PCLO: variants seen among roughly 807,000 people sequenced by gnomAD.
PCLO encodes the protein protein piccolo.
In PCLO, 82 loss-of-function variants were observed where a neutral mutation model predicts 427.5. The observed-to-expected ratio is 0.19, with a 90% CI of 0.16 to 0.23. The LOEUF is 0.23. Among genes scored for constraint, PCLO ranks in the 10% least tolerant of loss-of-function variants. The pLI is 1.00. For missense variants in PCLO, 6,239 were observed against 6,115.9 expected (o/e 1.02, Z -0.67); for synonymous variants, 2,357 against 2,155.4 (o/e 1.09, Z -2.59).
chr7:83,134,218 A>AATATATATATATATATATATATAT (rs61658777), intron 3 of PCLO, 32 bp downstream of exon 3: 43 of 430,182 alleles, frequency 1.0e-4, no homozygotes, highest in Admixed American at 6.4e-4. Context: ...CTCCATATGT[A>AATATATATATATATATATATATAT]ATATATATAT....
chr7:82,911,271 G>T (rs926492954), intron 7 of PCLO, among the ~76,000 whole-genome samples: 3 of 152,026 alleles, frequency 2.0e-5, no homozygotes, highest in African/African-American at 7.2e-5. Flanking sequence ...CAGATTAAAT[G>T]AATCTGCTTT....
At chr7:83,048,829 T>C (rs1204318856) in intron 3 of PCLO, among the ~76,000 whole-genome samples, 3 of 152,128 alleles carry the variant, frequency 2.0e-5, no homozygotes, top group African/African-American at 7.2e-5. Flanking sequence ...TTATGTTTTT[T>C]CAAATTTCAG....
At chr7:82,803,324 C>T (rs530855664) in intron 21 of PCLO, among the ~76,000 whole-genome samples, 52 of 151,914 alleles carry the variant, frequency 3.4e-4, no homozygotes, top group Non-Finnish European at 6.9e-4. Flanking sequence ...GATCAGAATA[C>T]TAAAAAATAA....
intron 3 of PCLO, among the ~76,000 whole-genome samples, chr7:83,076,290 G>A (rs1429320871): frequency 1.3e-5 from 2 of 149,922 alleles, no homozygotes; most frequent in African/African-American, 4.9e-5. Context: ...TTTTTTTTGA[G>A]ATGGACTTTT....
chr7:82,997,784 T>C lies in PCLO; in HGVS notation c.3301-31297A>G, dbSNP rs548156619. On this transcript the variant is annotated intron_variant, in intron 3 of 24. Coordinates refer to ENST00000333891, the MANE Select transcript of PCLO (RefSeq NM_033026.6). ...AATTTAAATTTATTCTATTCTGCTATTTAAATGCCAAATACACACAGAGTG... is the reference window on the plus strand; with the variant it reads ...AATTTAAATTTATTCTATTCTGCTACTTAAATGCCAAATACACACAGAGTG... Among the ~76,000 whole-genome samples the C allele has an allele frequency of 8.5e-5, 13 of 152,184 alleles. 1 individual carries two copies. Among genetic ancestry groups the C allele is most frequent in the African/African-American group, 2.9e-4 (12 of 41,562 alleles).
At chr7:83,035,838 C>A (rs1788780939) in intron 3 of PCLO, among the ~76,000 whole-genome samples, 1 of 152,090 alleles carries the variant, frequency 6.6e-6, no homozygotes, top group Non-Finnish European at 1.5e-5. Context: ...AGTATTCTCT[C>A]TGATTCATTT....
intron 16 of PCLO, among the ~76,000 whole-genome samples, chr7:82,830,202 A>G (rs1792058882): frequency 6.6e-6 from 1 of 151,980 alleles, no homozygotes; most frequent in East Asian, 1.9e-4. Flanking sequence ...AAATTTGACA[A>G]AATTGGATAG....
rs7802315 is a variant in PCLO, at chr7:82,879,675, C to A, written c.13529-213G>T. Among the ~76,000 whole-genome samples the A allele has an allele frequency of 8.1e-3, 1,236 of 152,142 alleles. 21 individuals are homozygous for A. The highest frequency in any genetic ancestry group is 0.027 in the African/African-American group (1,119 of 41,508). On this transcript the variant is annotated intron_variant, in intron 9 of 24. Transcript: ENST00000333891. Reference sequence around the variant, plus strand: ...TCTTGGTAGACTCTCCAATGATTGACCTGATATTAACAAGTAATTTTTCTA... The same window carrying A: ...TCTTGGTAGACTCTCCAATGATTGAACTGATATTAACAAGTAATTTTTCTA...
At chr7:82,827,813 T>C (rs1791984471) in intron 17 of PCLO, 60 bp downstream of exon 17, 2 of 929,078 alleles carry the variant, frequency 2.2e-6, no homozygotes, top group African/African-American at 3.3e-5. Context: ...TTTGAATAAT[T>C]GTGTTATCAC....
chr7:82,908,439 T>C (rs1258745354), intron 8 of PCLO, among the ~76,000 whole-genome samples: 7 of 152,088 alleles, frequency 4.6e-5, no homozygotes. Flanking sequence ...TCAGCTTCCT[T>C]TCTCCTCCAG....
intron 3 of PCLO, among the ~76,000 whole-genome samples, chr7:83,119,785 T>G (rs1791226995): frequency 1.4e-5 from 2 of 147,126 alleles, no homozygotes; most frequent in Non-Finnish European, 3.0e-5. Context: ...CTTAACAAAA[T>G]TCAAGATAAC....
intron 3 of PCLO, among the ~76,000 whole-genome samples, chr7:83,055,869 T>A (rs937223494): frequency 6.6e-6 from 1 of 152,158 alleles, no homozygotes; most frequent in Non-Finnish European, 1.5e-5. Flanking sequence ...TATTATTCTT[T>A]AGAAATCTAG....
rs1791443786 is a variant in PCLO at position 82,805,724 on chromosome 7, GTGCTGCTGCTTC to G, written c.14885_14896del (p.Gly4962_Thr4966delinsAla). On this transcript the variant is annotated inframe_deletion, in exon 21 of 25. Coordinates refer to ENST00000333891, the MANE Select transcript of PCLO (RefSeq NM_033026.6). Reference sequence around the variant, plus strand: ...AGGAAATAGATTAGTCTCCCCTGCAGTGCTGCTGCTTCCTTCACTGTCCACGCTATACCCACT... The same window carrying G: ...AGGAAATAGATTAGTCTCCCCTGCAGCTTCACTGTCCACGCTATACCCACT... 6.2e-7 allele frequency: 1 copy of G among 1,612,798 alleles called. No homozygotes were observed. The highest frequency in any genetic ancestry group is 8.5e-7 in the Non-Finnish European group (1 of 1,179,442).
At chr7:83,072,740 T>C (rs1474828548) in intron 3 of PCLO, among the ~76,000 whole-genome samples, 1 of 152,066 alleles carries the variant, frequency 6.6e-6, no homozygotes. Flanking sequence ...GCTTCCAGTA[T>C]TCCTCTGTAT....
Position 82,999,686 on chromosome 7 carries a change from AAAT to A in PCLO, c.3301-33202_3301-33200del, listed in dbSNP as rs1305362706. On this transcript the variant is annotated intron_variant, in intron 3 of 24. Transcript: ENST00000333891. ...TAAAATATAAAATATATTATATATAAAATAATATATAATATTAAATATAAAATA... is the reference window on the plus strand; with the variant it reads ...TAAAATATAAAATATATTATATATAAAATATATAATATTAAATATAAAATA... Among the ~76,000 whole-genome samples, 2 of 21,842 alleles carry A rather than the reference AAAT, an allele frequency of 9.2e-5. 1 individual carries two copies. Among genetic ancestry groups the A allele is most frequent in the Non-Finnish European group, 1.2e-4 (2 of 16,016 alleles). The allele number at this position is 21,842 out of a possible 152,430, so 14.3% of individuals were successfully genotyped here.
chr7:82,898,658 C>T (rs146932636), intron 9 of PCLO, among the ~76,000 whole-genome samples: 90 of 151,420 alleles, frequency 5.9e-4, no homozygotes, highest in African/African-American at 2.0e-3. Context: ...CTCACAAAGG[C>T]AGCTAAATTA....
intron 7 of PCLO, among the ~76,000 whole-genome samples, chr7:82,912,739 T>C (rs990035666): frequency 1.3e-5 from 2 of 152,008 alleles, no homozygotes; most frequent in African/African-American, 4.8e-5. Flanking sequence ...AAAAGGGAAA[T>C]AGAATATTCT....
At chr7:82,759,402 T>A (rs1790385158) in intron 24 of PCLO, among the ~76,000 whole-genome samples, 2 of 152,026 alleles carry the variant, frequency 1.3e-5, no homozygotes, top group South Asian at 4.1e-4. Context: ...GCTTCTTACT[T>A]CAAAATTTGT....
At chr7:83,119,235 T>A (rs1791213823) in intron 3 of PCLO, among the ~76,000 whole-genome samples, 2 of 152,128 alleles carry the variant, frequency 1.3e-5, no homozygotes, top group South Asian at 4.2e-4. Context: ...TGGTTTCAGA[T>A]GTGACCCAGT....
Sources: allele counts gnomAD v4.1 joint callset (sites outside exome capture counted in the v4.1 genomes callset), GRCh38; gene constraint gnomAD v4.1.1; transcripts MANE v1.5; gene names NCBI Gene and HGNC (gene_info 2026-07-23, HGNC 2026-07-21).